The following RNF31 variants were observed in gnomAD, a reference collection of about 807,000 sequenced individuals.
The protein encoded by RNF31 is E3 ubiquitin-protein ligase RNF31.
RNF31 carries 38 observed loss-of-function variants against 133.6 expected under a neutral mutation model. The observed-to-expected ratio is 0.28, with a 90% CI of 0.22 to 0.37. The LOEUF is 0.37. Among genes scored for constraint, RNF31 ranks in the 10% least tolerant of loss-of-function variants. RNF31 has a pLI of 1.00. For synonymous variants in RNF31, 582 were observed against 552.3 expected (o/e 1.05, Z -0.75); for missense variants, 1,118 against 1,394.1 (o/e 0.80, Z 3.15).
At chr14:24,149,188 C>G (rs1017821375) in intron 5 of RNF31, 2 of 602,792 alleles carry the variant, frequency 3.3e-6, no homozygotes, top group Admixed American at 3.0e-5. Context: ...GTCTGGAACT[C>G]CTGACCTCAA....
At position 24,147,704 on chromosome 14, in the gene RNF31, G is replaced by T; in HGVS notation, c.6G>T (p.Pro2=). Residue 2 remains proline, a synonymous_variant, in exon 1 of 21, where the codon CCG becomes CCT. Transcript: ENST00000324103. M[P]GEEEERAFLV... is the part of the protein sequence containing the mutation. ...GGGCTGACTCCTGCCTCAGGATGCC[G>T]GGGGAGGAAGAGGAGCGGGCCTTCC... The T allele has an allele frequency of 6.6e-7, 1 of 1,514,994 alleles. No individual in the cohort carries two copies. The allele number at this position is 1,514,994 out of a possible 1,614,324, so 93.8% of individuals were successfully genotyped here. A position where few individuals can be genotyped will look rare whatever the true frequency, so the allele number is the denominator to read the frequency against.
intron 11 of RNF31, among the ~76,000 whole-genome samples, chr14:24,154,248 C>A (rs181117843): frequency 3.1e-4 from 47 of 152,268 alleles, no homozygotes; most frequent in Admixed American, 1.1e-3. Context: ...GCCTCCGCCT[C>A]CCGAGTTCAA....
intron 16 of RNF31, 67 bp downstream of exon 16, chr14:24,157,705 C>T: frequency 7.1e-7 from 1 of 1,403,208 alleles, no homozygotes; most frequent in Non-Finnish European, 1.0e-6. Context: ...GAGTCAGAGG[C>T]TATTGAGGAG....
In RNF31 at chr14:24,157,963, C is replaced by G; in HGVS notation, c.2793C>G (p.Leu931=). The G allele has an allele frequency of 6.2e-7, 1 of 1,614,204 alleles. No homozygotes were observed. The highest frequency in any genetic ancestry group is 2.2e-5 in the East Asian group (1 of 44,886). The change falls in exon 17 of 21, where the codon CTC becomes CTG. Residue 931 remains leucine, a synonymous_variant. Coordinates refer to ENST00000324103, the MANE Select transcript of RNF31 (RefSeq NM_017999.5). ...SLHGHHPRDC[L]FYLRDWTALR... is the part of the protein sequence containing the mutation. ...ACGGCCACCACCCTCGAGACTGCCT[C>G]TTCTACCTGCGGGACTGGACTGCTC...
In RNF31 at chr14:24,160,159, G is replaced by A. The variant is rs1477242532; in HGVS notation, c.2997-80G>A. ...GGTTGTTAATCTTGTTCGTCCAGGT[G>A]TCTCAGAGTCCAGCTATGTTAGACA... On this transcript the variant is annotated intron_variant, in intron 19 of 20. Transcript: ENST00000324103. This position sits in a 1 kb window ranked among gnomAD's most constrained non-coding sequence, Gnocchi z 4.0. 5.3e-6 allele frequency: 8 copies of A among 1,502,544 alleles called. No homozygotes were observed. In the East Asian group the frequency reaches 1.8e-4, roughly 34 times the overall value. 93.1% of individuals were successfully genotyped at this position (1,502,544 alleles called of 1,614,324 possible).
At chr14:24,157,794 T>C in intron 16 of RNF31, 104 bp from the exon 17 acceptor site, 1 of 1,120,132 alleles carries the variant, frequency 8.9e-7, no homozygotes, top group Non-Finnish European at 1.3e-6. Context: ...GCTCCTCCAA[T>C]GTCTCCATCT....
At chr14:24,148,731 C>T (rs886781448) in intron 4 of RNF31, 30 bp downstream of exon 4, 15 of 1,613,708 alleles carry the variant, frequency 9.3e-6, no homozygotes, top group Admixed American at 6.7e-5. Context: ...GGCTGGTGTA[C>T]AAAGGAAACA....
intron 11 of RNF31, 153 bp from the exon 12 acceptor site, chr14:24,154,996 GTTTACGTT>G (rs2038320402): frequency 1.5e-6 from 1 of 653,648 alleles, no homozygotes; most frequent in Admixed American, 2.8e-5. Context: ...GTCTTCAGAT[GTTTACGTT>G]GCCTGCCTGG....
chr14:24,148,601 AG>A, intron 3 of RNF31, 40 bp from the exon 4 acceptor site: 8 of 1,608,520 alleles, frequency 5.0e-6, no homozygotes, highest in Non-Finnish European at 6.8e-6. Flanking sequence ...GCTTTGTTCT[AG>A]GGGTCTAGCT....
Position 24,157,510 on chromosome 14 carries a change from T to G in RNF31, c.2609-10T>G. 6.2e-7 allele frequency: 1 copy of G among 1,613,626 alleles called. No homozygotes were observed. Among genetic ancestry groups the G allele is most frequent in the Non-Finnish European group, 8.5e-7 (1 of 1,179,512 alleles). Reference sequence around the variant, plus strand: ...CGGCAGCTCCAGCCCTGACCTCTTGTCCTTTGCAGACTGCCCCAAATGCAA... The same window carrying G: ...CGGCAGCTCCAGCCCTGACCTCTTGGCCTTTGCAGACTGCCCCAAATGCAA... On this transcript the variant is annotated splice_polypyrimidine_tract_variant and intron_variant, in intron 15 of 20. Coordinates refer to ENST00000324103, the MANE Select transcript of RNF31 (RefSeq NM_017999.5).
rs758505862 is a variant in RNF31 at position 24,156,301 on chromosome 14, G to A, written c.2493+609G>A. ...GGTGATACTATCTCATTTATCTTTC[G>A]TTTATTTATTTATTTATTTATTTTT... On this transcript the variant is annotated intron_variant, in intron 14 of 20. Coordinates refer to ENST00000324103, the MANE Select transcript of RNF31 (RefSeq NM_017999.5). 4.6e-5 allele frequency among the ~76,000 whole-genome samples: 7 copies of A among 152,092 alleles called. 1 individual carries two copies. The highest frequency in any genetic ancestry group is 1.4e-4 in the African/African-American group (6 of 41,504).
intron 16 of RNF31, 92 bp from the exon 17 acceptor site, chr14:24,157,806 C>A: frequency 8.6e-7 from 1 of 1,166,792 alleles, no homozygotes. Flanking sequence ...TCTCCATCTC[C>A]CCTCACCCTT....
In RNF31 at chr14:24,150,309, G is replaced by A. The variant is rs566178589; in HGVS notation, c.1058G>A (p.Arg353Gln). 1.3e-4 allele frequency: 215 copies of A among 1,614,176 alleles called. No individual in the cohort carries two copies. The East Asian group carries it at 2.0e-3, about 15-fold the overall frequency. ...CTAGAACCTGATCTTGCACGGGGTC[G>A]GTGGGCCTGCCAGAGCTGTACCTTT... ...GGLEPDLARGRWACQSCTFEN... is the reference protein window; with the variant it reads ...GGLEPDLARGQWACQSCTFEN... Residue 353 changes from arginine (R) to glutamine (Q), a missense_variant, in exon 7 of 21, where the codon CGG becomes CAG. By Grantham distance (43) the Arg-to-Gln change is conservative (BLOSUM62 1). Around this residue, in one of 3 missense-constraint regions of RNF31, gnomAD observed 747 missense variants for 827.9 expected, o/e 0.90. Coordinates refer to ENST00000324103, the MANE Select transcript of RNF31 (RefSeq NM_017999.5).
Position 24,160,355 on chromosome 14 carries a change from C to T in RNF31, c.3113C>T (p.Pro1038Leu). 1 of 1,614,154 alleles carries T rather than the reference C, an allele frequency of 6.2e-7. No individual in the cohort carries two copies. Among genetic ancestry groups the T allele is most frequent in the Non-Finnish European group, 8.5e-7 (1 of 1,180,010 alleles). Residue 1038 changes from proline to leucine, a missense_variant, in exon 20 of 21, where the codon CCC becomes CTC. Transcript: ENST00000324103. This position sits in a 1 kb window ranked among gnomAD's most constrained non-coding sequence, Gnocchi z 4.0. ...TATERYLHVRPQPLAGEDPPA... is the reference protein window; with the variant it reads ...TATERYLHVRLQPLAGEDPPA... ...ACTGAGCGCTACCTGCACGTACGCC[C>T]CCAGCCTTTGGCTGGAGAGGATCCC...
Position 24,160,554 on chromosome 14 carries a change from TC to T in RNF31, c.3205del (p.Arg1069AlafsTer6). The T allele has an allele frequency of 1.3e-6, 2 of 1,538,618 alleles. No individual in the cohort carries two copies. Among genetic ancestry groups the T allele is most frequent in the South Asian group, 2.5e-5 (2 of 79,828 alleles). ...LTEEVPLGQS[I>X]PRRRK ...GAAGAGGTACCCTTGGGACAGAGTA[TC>T]CCCCGCAGGCGGAAGTAGCTGAGGG... On this transcript the variant is annotated frameshift_variant, in exon 21 of 21. Coordinates refer to ENST00000324103, the MANE Select transcript of RNF31 (RefSeq NM_017999.5). LOFTEE classifies it high-confidence loss of function. The surrounding 1 kb of genome is among the most constrained non-coding windows in gnomAD (Gnocchi z 4.0).
chr14:24,149,633 T>C, intron 6 of RNF31, 50 bp downstream of exon 6: 2 of 1,559,524 alleles, frequency 1.3e-6, no homozygotes, highest in Non-Finnish European at 1.7e-6. Context: ...GAACTTAAGA[T>C]CACTTGATTA....
At chr14:24,147,927 G>A (rs775479135) in intron 1 of RNF31, 37 bp downstream of exon 1, 2 of 1,613,328 alleles carry the variant, frequency 1.2e-6, no homozygotes, top group Non-Finnish European at 1.7e-6. Flanking sequence ...GGACACCAGG[G>A]CCTGAGGCCC....
rs2038430965 is a variant in RNF31, at chr14:24,160,501, C to T, written c.3166-19C>T. 1.9e-6 allele frequency: 3 copies of T among 1,556,516 alleles called. No homozygotes were observed. The highest frequency in any genetic ancestry group is 2.6e-6 in the Non-Finnish European group (3 of 1,147,654). On this transcript the variant is annotated intron_variant, in intron 20 of 20. Transcript: ENST00000324103. This position sits in a 1 kb window ranked among gnomAD's most constrained non-coding sequence, Gnocchi z 4.0. ...AGCTCCAGGCTTCCAATATCATTAC[C>T]TTCTCTCTCCTTCTGCAGAAGCTGA...
Position 24,155,085 on chromosome 14 carries a change from T to C in RNF31, c.2131-72T>C, listed in dbSNP as rs2038321882. On this transcript the variant is annotated intron_variant, in intron 11 of 20. Coordinates refer to ENST00000324103, the MANE Select transcript of RNF31 (RefSeq NM_017999.5). This position sits in a 1 kb window ranked among gnomAD's most constrained non-coding sequence, Gnocchi z 4.9. ...AGACCCTGATTTCTTAGTGGACACC[T>C]GGCCACTGCCTCTTCCCTAGCCTGG... is the stretch of plus-strand genomic sequence containing the variant. 6 of 1,473,012 alleles carry C rather than the reference T, an allele frequency of 4.1e-6. No individual in the cohort carries two copies. The South Asian group carries it at 4.8e-5, about 12-fold the overall frequency. The allele number at this position is 1,473,012 out of a possible 1,614,324, so 91.2% of individuals were successfully genotyped here.
Sources: gnomAD v4.1 joint callset for allele counts (sites outside exome capture counted in the v4.1 genomes callset) on GRCh38, gnomAD v4.1.1 for gene constraint, gnomAD v4.1.1 regional missense constraint, Gnocchi (gnomAD v3.1) non-coding constraint, MANE v1.5 for transcripts, NCBI Gene and HGNC (gene_info 2026-07-23, HGNC 2026-07-21) for gene names.